The following MAPK6 variants were observed in gnomAD, a reference collection of about 807,000 sequenced individuals.
MAPK6 encodes ERK-3.
In MAPK6, 19 loss-of-function variants were observed where a neutral mutation model predicts 59.3. The observed-to-expected ratio is 0.32, with a 90% CI of 0.22 to 0.47. MAPK6 has a LOEUF of 0.47. Among genes scored for constraint, MAPK6 ranks in the 20% least tolerant of loss-of-function variants. The pLI is 1.00. For synonymous variants in MAPK6, 316 were observed against 290.3 expected, an observed-to-expected ratio of 1.09 and a Z score of -0.90; for missense variants, 724 against 847.9, an observed-to-expected ratio of 0.85 and a Z score of 1.81.
intron 2 of MAPK6, among the ~76,000 whole-genome samples, chr15:51,987,259 C>G (rs1263251495): frequency 1.3e-5 from 2 of 152,200 alleles, no homozygotes; most frequent in African/African-American, 4.8e-5. Flanking sequence ...TTCCACTGCC[C>G]CAAGAATAAA....
At chr15:52,053,299 C>T (rs1163766243) in intron 3 of MAPK6, among the ~76,000 whole-genome samples, 3 of 152,092 alleles carry the variant, frequency 2.0e-5, no homozygotes, top group African/African-American at 7.2e-5. Context: ...TGGTCTCGAA[C>T]TCCTAACCTG....
At chr15:52,008,615 T>C (rs2029973502) in intron 3 of MAPK6, among the ~76,000 whole-genome samples, 1 of 152,200 alleles carries the variant, frequency 6.6e-6, no homozygotes, top group African/African-American at 2.4e-5. Flanking sequence ...CTGACTTCAC[T>C]ACACAACACG....
chr15:52,051,477 T>C (rs572491559), intron 3 of MAPK6, among the ~76,000 whole-genome samples: 46 of 152,336 alleles, frequency 3.0e-4, no homozygotes, highest in African/African-American at 9.9e-4. Flanking sequence ...AGAGCACTGG[T>C]GAAGAAAGGA....
At chr15:52,027,073 G>T (rs1198804257) in intron 1 of MAPK6, among the ~76,000 whole-genome samples, 2 of 150,662 alleles carry the variant, frequency 1.3e-5, no homozygotes, top group Non-Finnish European at 3.0e-5. Flanking sequence ...GCCTGTCACA[G>T]CCGGGCGCGG....
At chr15:52,059,122 G>A (rs1189507569) in intron 4 of MAPK6, among the ~76,000 whole-genome samples, 2 of 151,220 alleles carry the variant, frequency 1.3e-5, no homozygotes, top group African/African-American at 4.9e-5. Context: ...TAAAAAGAAA[G>A]CTGCTGTATT....
rs1487852344 is a variant in MAPK6, at chr15:51,997,329, T to C, written c.-769-6936T>C. On this transcript the variant is annotated intron_variant, in intron 2 of 7. Coordinates refer to the MAPK6 transcript ENST00000691380. ...CTTTGTCACCTAGGATGGAGTGCAG[T>C]GGCATAATCTTGGCTCACTGCGACC... Among the ~76,000 whole-genome samples the C allele has an allele frequency of 2.6e-5, 4 of 150,978 alleles. No individual in the cohort carries two copies. The South Asian group carries it at 8.3e-4, about 31-fold the overall frequency.
intron 1 of MAPK6, among the ~76,000 whole-genome samples, chr15:52,027,038 A>G (rs920278487): frequency 6.7e-6 from 1 of 148,628 alleles, no homozygotes; most frequent in Admixed American, 6.7e-5. Flanking sequence ...CGACAGAGCA[A>G]TACTCTGTCT....
intron 3 of MAPK6, 27 bp from the exon 4 acceptor site, chr15:52,058,605 TG>T (rs751194115): frequency 6.4e-7 from 1 of 1,556,390 alleles, no homozygotes; most frequent in Non-Finnish European, 8.7e-7. Flanking sequence ...TTGAGGAATG[TG>T]TTTTTTTGTT....
intron 2 of MAPK6, among the ~76,000 whole-genome samples, chr15:51,984,447 ATTT>A (rs71130112): frequency 3.4e-4 from 24 of 69,972 alleles, no homozygotes; most frequent in African/African-American, 1.3e-3. Flanking sequence ...ACGCCGGCTA[ATTT>A]TTTTTTTTTT....
rs531438521 is a variant in MAPK6, at chr15:52,066,850, A to G, written c.*1850A>G. On this transcript the variant is annotated 3_prime_UTR_variant, in exon 6 of 6. Coordinates refer to ENST00000261845, the MANE Select transcript of MAPK6 (RefSeq NM_002748.4). The stretch of plus-strand genomic sequence containing the variant: ...ATACTGTCACGTTATTAATTTAAAC[A>G]TACTCAAATTACCTTAAGAGGACAA... 2 of 152,116 alleles carry G rather than the reference A, an allele frequency of 1.3e-5. No individual in the cohort carries two copies. Among genetic ancestry groups the G allele is most frequent in the African/African-American group, 4.8e-5 (2 of 41,520 alleles). The allele number at this position is 152,116 out of a possible 1,614,324, so 9.4% of individuals were successfully genotyped here. A position where few individuals can be genotyped will look rare whatever the true frequency, so the allele number is the denominator to read the frequency against.
chr15:51,976,638 G>T (rs2141801016), intron 1 of MAPK6, among the ~76,000 whole-genome samples: 2 of 151,826 alleles, frequency 1.3e-5, no homozygotes, highest in Middle Eastern at 6.8e-3. Context: ...GAACTATGTG[G>T]AATTGTCTTT....
intron 1 of MAPK6, among the ~76,000 whole-genome samples, chr15:51,974,980 A>G (rs2057153292): frequency 6.6e-6 from 1 of 151,166 alleles, no homozygotes; most frequent in Admixed American, 6.6e-5. Flanking sequence ...AACCTCCCAA[A>G]TGCTGGGATT....
intron 2 of MAPK6, among the ~76,000 whole-genome samples, chr15:52,000,007 C>T (rs929768447): frequency 6.6e-6 from 1 of 152,150 alleles, no homozygotes; most frequent in Non-Finnish European, 1.5e-5. Context: ...GCTGCAATCA[C>T]AGCTTACTGC....
intron 2 of MAPK6, among the ~76,000 whole-genome samples, chr15:51,991,148 T>TACAC (rs933912695): frequency 0.19 from 26,606 of 140,490 alleles, 2,587 homozygotes; most frequent in East Asian, 0.35. Flanking sequence ...TATATATATA[T>TACAC]ACACACACAC....
At chr15:52,002,788 A>G (rs2057246108) in intron 2 of MAPK6, among the ~76,000 whole-genome samples, 1 of 152,202 alleles carries the variant, frequency 6.6e-6, no homozygotes, top group South Asian at 2.1e-4. Flanking sequence ...GGGAGGCCTC[A>G]GGAGACTTAC....
In MAPK6 at chr15:52,019,246, G is replaced by C. The variant is rs896376034; in HGVS notation, c.-762G>C. The C allele has an allele frequency of 6.6e-6, 1 of 152,130 alleles. No homozygotes were observed. The allele number at this position is 152,130 out of a possible 1,614,324, so 9.4% of individuals were successfully genotyped here. A position where few individuals can be genotyped will look rare whatever the true frequency, so the allele number is the denominator to read the frequency against. On this transcript the variant is annotated 5_prime_UTR_variant, in exon 1 of 6. Transcript: ENST00000261845. ...TCCTCGCCCTCTCTCGCGGGTCGGG[G>C]TTACATGGCGGCGACTGCGGCAAAG...
intron 3 of MAPK6, among the ~76,000 whole-genome samples, chr15:52,011,900 C>G (rs2030068375): frequency 6.6e-6 from 1 of 152,196 alleles, no homozygotes; most frequent in African/African-American, 2.4e-5. Flanking sequence ...CACACAGAAG[C>G]TTCAAGTTGG....
intron 2 of MAPK6, among the ~76,000 whole-genome samples, chr15:52,048,484 G>A (rs979352369): frequency 2.6e-5 from 4 of 151,954 alleles, no homozygotes; most frequent in Admixed American, 1.3e-4. Flanking sequence ...GTGCCTGGTG[G>A]TGCATGTCTG....
intron 1 of MAPK6, among the ~76,000 whole-genome samples, chr15:52,044,355 G>C: frequency 6.6e-6 from 1 of 152,156 alleles, no homozygotes. Context: ...GTAAGTATCA[G>C]TTTTTATTAA....
Sources: gnomAD v4.1 joint callset for allele counts (sites outside exome capture counted in the v4.1 genomes callset) on GRCh38, gnomAD v4.1.1 for gene constraint, MANE v1.5 for transcripts, NCBI Gene and HGNC (gene_info 2026-07-23, HGNC 2026-07-21) for gene names.